SENP1: variants seen among roughly 807,000 people sequenced by gnomAD.
The protein encoded by SENP1 is SUMO specific peptidase 1, also known as sentrin-specific protease 1.
A neutral mutation model predicts 93.0 loss-of-function variants in SENP1; 21 were observed. That is an observed-to-expected ratio of 0.23 (90% CI 0.16 to 0.33). The LOEUF (loss-of-function observed/expected upper bound fraction) is 0.33. Ranked by LOEUF, SENP1 falls within the 10% of genes least tolerant of loss-of-function variation. The pLI is 1.00. For synonymous variants in SENP1, 256 were observed against 259.6 expected (o/e 0.99, Z 0.13); for missense variants, 591 against 758.7 (o/e 0.78, Z 2.60).
intron 1 of SENP1, among the ~76,000 whole-genome samples, chr12:48,102,431 C>CAAAAAAAAAAAAAAAAA (rs57161608): frequency 2.1e-5 from 1 of 47,466 alleles, no homozygotes; most frequent in Non-Finnish European, 3.8e-5. Context: ...GACTCTGTCT[C>CAAAAAAAAAAAAAAAAA]AAAAAAAAAA....
At chr12:48,076,275 G>A (rs971307691) in intron 6 of SENP1, among the ~76,000 whole-genome samples, 18 of 152,086 alleles carry the variant, frequency 1.2e-4, no homozygotes, top group Admixed American at 1.0e-3. Flanking sequence ...GACTACAGGC[G>A]CCCGCCACCA....
Position 48,045,105 on chromosome 12 carries a change from A to C in SENP1, c.*217T>G. 1.8e-6 allele frequency: 1 copy of C among 556,572 alleles called. No homozygotes were observed. Among genetic ancestry groups the C allele is most frequent in the Non-Finnish European group, 3.3e-6 (1 of 307,446 alleles). The allele number at this position is 556,572 out of a possible 1,614,324, so 34.5% of individuals were successfully genotyped here. ...TCTCTTCAGCTTAGGGATGTCCCTC[A>C]CCCCTTTCACAGCACCAAAGTTTCT... On this transcript the variant is annotated 3_prime_UTR_variant, in exon 18 of 18. Transcript: ENST00000549518.
chr12:48,098,217 C>T (rs1193838148), intron 2 of SENP1, 93 bp from the exon 3 acceptor site: 1 of 1,315,394 alleles, frequency 7.6e-7, no homozygotes. Context: ...AAACAATTCC[C>T]ACCCAGGCAT....
chr12:48,065,659 T>C lies in SENP1; in HGVS notation c.1056A>G (p.Arg352=), dbSNP rs771862693. ...CAATCTGGCGCAATCTTTCTCGTGCTCGAGAATCATAAACACTAGTTCTAG... is the reference window on the plus strand; with the variant it reads ...CAATCTGGCGCAATCTTTCTCGTGCCCGAGAATCATAAACACTAGTTCTAG... ...IKELTSVYDS[R]ARERLRQIEE... Residue 352 remains arginine (R), a synonymous_variant, in exon 11 of 18, where the codon CGA becomes CGG. Coordinates refer to ENST00000549518, the MANE Select transcript of SENP1 (RefSeq NM_001267594.2). 17 of 1,558,484 alleles carry C rather than the reference T, an allele frequency of 1.1e-5. 1 individual carries two copies. Among genetic ancestry groups the C allele is most frequent in the Non-Finnish European group, 4.3e-6 (5 of 1,149,676 alleles).
intron 4 of SENP1, among the ~76,000 whole-genome samples, chr12:48,094,817 T>TTTAAGTA (rs1226753716): frequency 3.3e-5 from 5 of 152,220 alleles, no homozygotes; most frequent in Non-Finnish European, 7.3e-5. Context: ...GCAGAGATTC[T>TTTAAGTA]ATCCAATGGT....
rs760543751 is a variant in SENP1 at position 48,088,891 on chromosome 12, T to C, written c.290A>G (p.Gln97Arg). The C allele has an allele frequency of 6.2e-7, 1 of 1,602,674 alleles. No individual in the cohort carries two copies. Among genetic ancestry groups the C allele is most frequent in the South Asian group, 1.1e-5 (1 of 89,190 alleles). Reference sequence around the variant, plus strand: ...TGACGATGGGGTAGAATTTCTCCATTGGCCATTTGCACTCTGGCCAAAGGT... The same window carrying C: ...TGACGATGGGGTAGAATTTCTCCATCGGCCATTTGCACTCTGGCCAAAGGT... The part of the protein sequence containing the change: ...LRTFGQSANG[Q>R]WRNSTPSSSS... Residue 97 changes from glutamine to arginine, a missense_variant, in exon 5 of 18, where the codon CAA becomes CGA. Gln to Arg is a conservative substitution (Grantham distance 43, BLOSUM62 1). This residue lies in a region of SENP1 where 214 missense variants were observed against 243.4 expected (regional missense o/e 0.88). Coordinates refer to ENST00000549518, the MANE Select transcript of SENP1 (RefSeq NM_001267594.2).
chr12:48,056,725 ATAT>A (rs374663086), intron 13 of SENP1, among the ~76,000 whole-genome samples: 120 of 82,156 alleles, frequency 1.5e-3, no homozygotes, highest in East Asian at 2.5e-3. Flanking sequence ...ATATATAAAT[ATAT>A]TATTTAATAT....
intron 10 of SENP1, among the ~76,000 whole-genome samples, chr12:48,066,554 C>G (rs1300106156): frequency 1.3e-5 from 2 of 151,456 alleles, no homozygotes; most frequent in Non-Finnish European, 1.5e-5. Flanking sequence ...CTCTGTTGCC[C>G]AGGCTGGAGT....
intron 5 of SENP1, among the ~76,000 whole-genome samples, chr12:48,084,124 T>C (rs74089550): frequency 0.023 from 3,462 of 152,284 alleles, 143 homozygotes; most frequent in African/African-American, 0.078. Context: ...ACACATACAT[T>C]TTCTATTATT....
At chr12:48,066,111 T>C (rs1485082143) in intron 10 of SENP1, among the ~76,000 whole-genome samples, 4 of 152,232 alleles carry the variant, frequency 2.6e-5, no homozygotes, top group South Asian at 2.1e-4. Context: ...TTTAAGATTA[T>C]AGTGAAAGCG....
intron 6 of SENP1, among the ~76,000 whole-genome samples, chr12:48,077,952 T>C (rs1004639909): frequency 1.9e-4 from 29 of 152,262 alleles, no homozygotes; most frequent in Admixed American, 1.6e-3. Flanking sequence ...AGTATTTTTT[T>C]CTATGAAAAA....
chr12:48,094,684 A>C (rs578044698), intron 4 of SENP1, among the ~76,000 whole-genome samples: 1 of 152,086 alleles, frequency 6.6e-6, no homozygotes, highest in South Asian at 2.1e-4. Context: ...CATCTCAAAA[A>C]ATAATAATAA....
chr12:48,073,861 C>G (rs1943888027), intron 8 of SENP1, among the ~76,000 whole-genome samples: 1 of 152,112 alleles, frequency 6.6e-6, no homozygotes, highest in Non-Finnish European at 1.5e-5. Flanking sequence ...CTAGCCTGTA[C>G]TTAGGAAGTT....
chr12:48,084,970 CT>C, intron 5 of SENP1: 1 of 634,770 alleles, frequency 1.6e-6, no homozygotes, highest in Non-Finnish European at 2.7e-6. Flanking sequence ...GCATAATTCT[CT>C]TTAAGTCTTC....
At chr12:48,096,937 C>T (rs1010078733) in intron 3 of SENP1, among the ~76,000 whole-genome samples, 6 of 152,024 alleles carry the variant, frequency 3.9e-5, no homozygotes, top group African/African-American at 1.4e-4. Context: ...GAGACCCCGT[C>T]TCTAAATAAA....
chr12:48,055,768 T>C lies in SENP1; in HGVS notation c.1408-6636A>G, dbSNP rs998594662. ...TGACATATTTTGTTAAATAACGTTA[T>C]TGAATATATAATATATATTATTTAA... On this transcript the variant is annotated intron_variant, in intron 13 of 17. Transcript: ENST00000549518. Among the ~76,000 whole-genome samples the C allele has an allele frequency of 2.7e-5, 4 of 146,486 alleles. No homozygotes were observed. In the East Asian group the frequency reaches 5.9e-4, roughly 22 times the overall value.
At chr12:48,056,045 T>C (rs1221458324) in intron 13 of SENP1, among the ~76,000 whole-genome samples, 2 of 126,642 alleles carry the variant, frequency 1.6e-5, no homozygotes, top group Non-Finnish European at 3.1e-5. Context: ...ATAGTATAAA[T>C]ATATACTGTA....
At chr12:48,101,640 G>C (rs1945940524) in intron 1 of SENP1, 124 bp from the exon 2 acceptor site, 1 of 575,022 alleles carries the variant, frequency 1.7e-6, no homozygotes, top group Admixed American at 3.8e-5. Context: ...ATCTAAGGTG[G>C]TAAAGAGTTG....
intron 4 of SENP1, 124 bp downstream of exon 4, chr12:48,096,219 A>G (rs1945546440): frequency 1.7e-6 from 1 of 575,338 alleles, no homozygotes; most frequent in Non-Finnish European, 3.1e-6. Context: ...ATGATGTTTT[A>G]GTGAAGAAAA....
Sources: allele counts gnomAD v4.1 joint callset (sites outside exome capture counted in the v4.1 genomes callset), GRCh38; gene constraint gnomAD v4.1.1; regional missense constraint gnomAD v4.1.1; transcripts MANE v1.5; gene names NCBI Gene and HGNC (gene_info 2026-07-23, HGNC 2026-07-21).